The following POTEE variants were observed in gnomAD, a reference collection of about 807,000 sequenced individuals.
POTEE encodes ANKRD26-like family C member 1A.
POTEE carries 21 observed loss-of-function variants against 74.2 expected under a neutral mutation model. That is an observed-to-expected ratio of 0.28 (90% CI 0.20 to 0.41). The LOEUF (loss-of-function observed/expected upper bound fraction) is 0.41. Among genes scored for constraint, POTEE ranks in the 10% least tolerant of loss-of-function variants. POTEE has a pLI of 1.00. For synonymous variants in POTEE, 211 were observed against 432.8 expected (o/e 0.49, Z 6.36); for missense variants, 525 against 1,158.6 (o/e 0.45, Z 7.94).
chr2:131,222,882 G>A (rs1178416199), intron 4 of POTEE, among the ~76,000 whole-genome samples: 2 of 151,762 alleles, frequency 1.3e-5, no homozygotes, highest in African/African-American at 4.9e-5. Flanking sequence ...GACTGGAACC[G>A]CCCCGGACCT....
chr2:131,236,402 CCTTTT>C (rs1701133739), intron 9 of POTEE, among the ~76,000 whole-genome samples: 1 of 151,976 alleles, frequency 6.6e-6, no homozygotes, highest in African/African-American at 2.4e-5. Flanking sequence ...AACTAAATTT[CCTTTT>C]CTTTACATTT....
intron 9 of POTEE, 98 bp downstream of exon 9, chr2:131,231,004 G>T: frequency 8.2e-7 from 1 of 1,224,732 alleles, no homozygotes; most frequent in South Asian, 1.4e-5. Context: ...ATGGGCTGGG[G>T]GAGGGTGGGG....
chr2:131,220,656 A>G (rs1407081890), intron 4 of POTEE, among the ~76,000 whole-genome samples: 5 of 152,078 alleles, frequency 3.3e-5, no homozygotes, highest in Non-Finnish European at 4.4e-5. Flanking sequence ...ACTGTTTTCT[A>G]TTTAAGTTAG....
chr2:131,251,263 GAAAA>G (rs1482254334), intron 14 of POTEE, among the ~76,000 whole-genome samples: 1 of 31,990 alleles, frequency 3.1e-5, no homozygotes, highest in African/African-American at 6.3e-5. Context: ...GACTCCATGT[GAAAA>G]AAAAAAAAAA....
At chr2:131,220,917 C>T (rs1351698157) in intron 4 of POTEE, among the ~76,000 whole-genome samples, 46 of 146,272 alleles carry the variant, frequency 3.1e-4, no homozygotes, top group African/African-American at 1.1e-3. Context: ...GCCGAGATCG[C>T]GCCACTACAT....
chr2:131,230,994 A>G lies in POTEE; in HGVS notation c.1126+88A>G, dbSNP rs557175047. 8.7e-3 allele frequency: 9,050 copies of G among 1,040,812 alleles called. 460 individuals carry two copies. In the African/African-American group the frequency reaches 0.13, roughly 15 times the overall value. 64.5% of individuals were successfully genotyped at this position (1,040,812 alleles called of 1,614,324 possible). A position where few individuals can be genotyped will look rare whatever the true frequency, so the allele number is the denominator to read the frequency against. ...CGGTTTTGTGGAAGACAATTTTTCC[A>G]TGGGCTGGGGGAGGGTGGGGATGGT... On this transcript the variant is annotated intron_variant, in intron 9 of 17. Transcript: ENST00000683005.
intron 8 of POTEE, among the ~76,000 whole-genome samples, chr2:131,230,012 G>A (rs1700899807): frequency 6.6e-6 from 1 of 152,198 alleles, no homozygotes; most frequent in African/African-American, 2.4e-5. Flanking sequence ...TCAATATAAA[G>A]CATTATCCTA....
rs185214636 is a variant in POTEE at position 131,211,388 on chromosome 2, G to A, written c.-189+205G>A. Among the ~76,000 whole-genome samples the A allele has an allele frequency of 6.1e-3, 923 of 150,096 alleles. 4 individuals are homozygous for A. The highest frequency in any genetic ancestry group is 0.022 in the African/African-American group (889 of 40,068). The stretch of plus-strand genomic sequence containing the variant: ...CTGCTGGTGCTGTACCATGGGCCTC[G>A]GTGGCAGTGGTGGAGGTGCACTTAG... On this transcript the variant is annotated intron_variant, in intron 2 of 17. Coordinates refer to ENST00000683005, the MANE Select transcript of POTEE (RefSeq NM_001083538.3).
Position 131,264,248 on chromosome 2 carries a change from CT to C in POTEE, c.2794del (p.Ser932ProfsTer5), listed in dbSNP as rs1288809042. On this transcript the variant is annotated frameshift_variant, in exon 18 of 18. Transcript: ENST00000683005. LOFTEE classifies it high-confidence loss of function. The stretch of plus-strand genomic sequence containing the variant: ...TCGAGCAGGAGATGGCCACGGCGGC[CT>C]CCAGCTCCTCCCTAGAGAAGAGCTA... ...DFEQEMATAA[S>X]SSSLEKSYEL... The C allele has an allele frequency of 6.2e-7, 1 of 1,614,180 alleles. No homozygotes were observed. Among genetic ancestry groups the C allele is most frequent in the Non-Finnish European group, 8.5e-7 (1 of 1,180,066 alleles).
At chr2:131,225,594 T>G in intron 6 of POTEE, among the ~76,000 whole-genome samples, 1 of 147,716 alleles carries the variant, frequency 6.8e-6, no homozygotes, top group Non-Finnish European at 1.5e-5. Context: ...TGAGATGGGG[T>G]CTCACTCTGT....
intron 2 of POTEE, among the ~76,000 whole-genome samples, chr2:131,214,225 T>C (rs1453951635): frequency 6.6e-6 from 1 of 152,280 alleles, no homozygotes; most frequent in Non-Finnish European, 1.5e-5. Flanking sequence ...AAGGCTCTCC[T>C]CTGTTTTGCC....
At chr2:131,236,110 C>T (rs1229051561) in intron 9 of POTEE, among the ~76,000 whole-genome samples, 1 of 152,088 alleles carries the variant, frequency 6.6e-6, no homozygotes, top group Non-Finnish European at 1.5e-5. Context: ...CATATAGTGA[C>T]AGTTTTGCAA....
At chr2:131,214,176 C>T (rs1478871434) in intron 2 of POTEE, among the ~76,000 whole-genome samples, 17 of 152,188 alleles carry the variant, frequency 1.1e-4, no homozygotes, top group African/African-American at 4.1e-4. Context: ...CTCATGGAAC[C>T]CCAAGAACTT....
chr2:131,212,627 C>T (rs1276610403), intron 2 of POTEE, among the ~76,000 whole-genome samples: 57 of 137,554 alleles, frequency 4.1e-4, no homozygotes, highest in African/African-American at 1.2e-3. Context: ...TGCAATGGGG[C>T]GATCTCGGCT....
intron 2 of POTEE, among the ~76,000 whole-genome samples, chr2:131,211,816 A>G (rs1301210952): frequency 1.3e-5 from 2 of 150,722 alleles, no homozygotes; most frequent in Non-Finnish European, 3.0e-5. Flanking sequence ...TTGGCCTCCC[A>G]AAGTGCTAGG....
At chr2:131,229,872 A>G (rs997921380) in intron 8 of POTEE, among the ~76,000 whole-genome samples, 6 of 152,180 alleles carry the variant, frequency 3.9e-5, no homozygotes, top group African/African-American at 1.4e-4. Flanking sequence ...CCTGAATAAC[A>G]TGTTCGGTGC....
intron 12 of POTEE, among the ~76,000 whole-genome samples, chr2:131,239,665 ATTTTC>A (rs1417375421): frequency 1.8e-5 from 2 of 109,482 alleles, no homozygotes; most frequent in African/African-American, 3.4e-5. Flanking sequence ...GGGAAAAGGC[ATTTTC>A]TTTTCTTTTT....
At chr2:131,222,802 T>C (rs1700664010) in intron 4 of POTEE, among the ~76,000 whole-genome samples, 1 of 152,008 alleles carries the variant, frequency 6.6e-6, no homozygotes, top group South Asian at 2.1e-4. Context: ...AATTTGTTTT[T>C]GTTTTCACCT....
intron 16 of POTEE, among the ~76,000 whole-genome samples, chr2:131,258,254 T>C (rs1478954553): frequency 2.4e-5 from 1 of 41,310 alleles, no homozygotes; most frequent in African/African-American, 8.3e-5. Flanking sequence ...AAAGAAACTT[T>C]TTAATATTCC....
Sources: gnomAD v4.1 joint callset for allele counts (sites outside exome capture counted in the v4.1 genomes callset) on GRCh38, gnomAD v4.1.1 for gene constraint, MANE v1.5 for transcripts, NCBI Gene and HGNC (gene_info 2026-07-23, HGNC 2026-07-21) for gene names.